The following CRTAC1 variants were observed in gnomAD, a reference collection of about 807,000 sequenced individuals.
CRTAC1 encodes cartilage acidic protein 1, also known as acidic secreted protein in cartilage.
In CRTAC1, 37 loss-of-function variants were observed where a neutral mutation model predicts 67.8. The ratio of observed to expected loss-of-function variants is 0.55; its 90% CI spans 0.42 to 0.72. The LOEUF (loss-of-function observed/expected upper bound fraction) is 0.72. Ranked by LOEUF, CRTAC1 falls within the 30% of genes least tolerant of loss-of-function variation. The pLI, the probability that CRTAC1 is intolerant of heterozygous loss-of-function variation, is 0.00. For missense variants in CRTAC1, 780 were observed against 931.6 expected (o/e 0.84, Z 2.12); for synonymous variants, 348 against 371.0 (o/e 0.94, Z 0.71).
intron 1 of CRTAC1, among the ~76,000 whole-genome samples, chr10:98,025,689 G>A (rs536289433): frequency 6.6e-6 from 1 of 152,330 alleles, no homozygotes; most frequent in South Asian, 2.1e-4. Flanking sequence ...AGGCTCTCCA[G>A]AAATCCCTAG....
rs1039099468 is a variant in CRTAC1 at position 97,996,915 on chromosome 10, A to T, written c.224+14223T>A. 5.9e-5 allele frequency among the ~76,000 whole-genome samples: 9 copies of T among 152,080 alleles called. 1 individual carries two copies. Among genetic ancestry groups the T allele is most frequent in the African/African-American group, 1.7e-4 (7 of 41,390 alleles). ...AATACTATGCAGCCAGAAAAAAATG[A>T]TGAGTTCATGTCCTTTGTAGGGACA... On this transcript the variant is annotated intron_variant, in intron 2 of 14. Transcript: ENST00000370597.
chr10:97,876,032 A>T (rs1440683039), intron 14 of CRTAC1: 1 of 152,180 alleles, frequency 6.6e-6, no homozygotes, highest in African/African-American at 2.4e-5. Context: ...GCAGACTTGA[A>T]CGTGACCGTG....
chr10:97,979,133 C>T lies in CRTAC1; in HGVS notation c.224+32005G>A, dbSNP rs78281826. 3.0e-3 allele frequency among the ~76,000 whole-genome samples: 455 copies of T among 152,244 alleles called. 4 individuals carry two copies. Among genetic ancestry groups the T allele is most frequent in the African/African-American group, 1.0e-2 (414 of 41,546 alleles). On this transcript the variant is annotated intron_variant, in intron 2 of 14. Transcript: ENST00000370597. ...AAGCTCCCTCAGAGAAGTTCTTGCT[C>T]CAGAGCACTATTTTGCACTGGCCAG...
chr10:97,966,762 G>A (rs2051622528), intron 2 of CRTAC1, among the ~76,000 whole-genome samples: 1 of 152,136 alleles, frequency 6.6e-6, no homozygotes. Context: ...CAGCTTTGAG[G>A]GGTACTGGTC....
intron 14 of CRTAC1, among the ~76,000 whole-genome samples, chr10:97,873,201 A>G (rs2050111787): frequency 6.6e-6 from 1 of 152,164 alleles, no homozygotes; most frequent in Non-Finnish European, 1.5e-5. Context: ...TTTCAAGTCC[A>G]TTTGATCCCA....
rs377488433 is a variant in CRTAC1, at chr10:97,898,431, G to C, written c.1134-1440C>G. Among the ~76,000 whole-genome samples the C allele has an allele frequency of 1.5e-3, 234 of 152,312 alleles. 2 individuals are homozygous for C. The highest frequency in any genetic ancestry group is 5.1e-3 in the African/African-American group (211 of 41,560). On this transcript the variant is annotated intron_variant, in intron 8 of 14. Coordinates refer to ENST00000370597, the MANE Select transcript of CRTAC1 (RefSeq NM_018058.7). The stretch of plus-strand genomic sequence containing the variant: ...ATGGTGAGTGAGCACATGTCGCTCA[G>C]ATGAAGAGGGATAATTGGGGGCTAG...
At chr10:98,019,991 T>C (rs876999) in intron 1 of CRTAC1, among the ~76,000 whole-genome samples, 23,664 of 152,230 alleles carry the variant, frequency 0.16, 2,317 homozygotes, top group Non-Finnish European at 0.22. Flanking sequence ...TGCTGCCTCT[T>C]CATTCTTCAC....
intron 2 of CRTAC1, among the ~76,000 whole-genome samples, chr10:97,940,971 A>G (rs926703257): frequency 2.0e-5 from 3 of 152,138 alleles, no homozygotes; most frequent in Non-Finnish European, 4.4e-5. Flanking sequence ...TCGGTAGCTC[A>G]TCCTCTGCAG....
At chr10:97,942,390 C>T (rs182275530) in intron 2 of CRTAC1, among the ~76,000 whole-genome samples, 1 of 152,310 alleles carries the variant, frequency 6.6e-6, no homozygotes, top group African/African-American at 2.4e-5. Flanking sequence ...TTGGACTCTA[C>T]ACTTTCATCA....
rs193241618 is a variant in CRTAC1 at position 97,907,868 on chromosome 10, G to A, written c.850+145C>T. Reference sequence around the variant, plus strand: ...TAAGGAATAGGAAGTGACAAGCAGCGTTTCTCTGTGTGGTGCAGACGATGA... The same window carrying A: ...TAAGGAATAGGAAGTGACAAGCAGCATTTCTCTGTGTGGTGCAGACGATGA... On this transcript the variant is annotated intron_variant, in intron 6 of 14. Coordinates refer to ENST00000370597, the MANE Select transcript of CRTAC1 (RefSeq NM_018058.7). The A allele has an allele frequency of 3.2e-3, 2,552 of 799,654 alleles. 5 individuals carry two copies. The highest frequency in any genetic ancestry group is 4.5e-3 in the Non-Finnish European group (2,356 of 520,392). 49.5% of individuals were successfully genotyped at this position (799,654 alleles called of 1,614,324 possible).
intron 3 of CRTAC1, among the ~76,000 whole-genome samples, chr10:97,930,714 G>A (rs2136606654): frequency 6.6e-6 from 1 of 152,188 alleles, no homozygotes; most frequent in Middle Eastern, 3.4e-3. Flanking sequence ...TCTGCTGTGA[G>A]GGCAGAAGAG....
intron 2 of CRTAC1, among the ~76,000 whole-genome samples, chr10:97,981,191 C>A (rs1226157640): frequency 1.3e-5 from 2 of 152,060 alleles, no homozygotes; most frequent in African/African-American, 4.8e-5. Context: ...TAATTATGAT[C>A]ATTAAAAGTC....
At chr10:97,952,956 G>T (rs1044794973) in intron 2 of CRTAC1, among the ~76,000 whole-genome samples, 13 of 152,140 alleles carry the variant, frequency 8.5e-5, no homozygotes, top group African/African-American at 3.1e-4. Flanking sequence ...CCAACATGCT[G>T]CCTCCATCCT....
At chr10:97,950,242 C>CAG (rs1160076016) in intron 2 of CRTAC1, among the ~76,000 whole-genome samples, 101 of 117,588 alleles carry the variant, frequency 8.6e-4, no homozygotes, top group African/African-American at 2.9e-3. Flanking sequence ...TGCACACACA[C>CAG]ACACAGAGAG....
chr10:98,017,870 T>C (rs1843030878), intron 1 of CRTAC1, among the ~76,000 whole-genome samples: 1 of 151,664 alleles, frequency 6.6e-6, no homozygotes, highest in Non-Finnish European at 1.5e-5. Context: ...AAGCAAACTT[T>C]TTGAACAATT....
At position 98,029,491 on chromosome 10, in the gene CRTAC1, A is replaced by AGCGGCGGCGGCG. The variant is rs71007374; in HGVS notation, c.24+946_24+957dup. On this transcript the variant is annotated intron_variant, in intron 1 of 14. Coordinates refer to ENST00000370597, the MANE Select transcript of CRTAC1 (RefSeq NM_018058.7). This position sits in a 1 kb window ranked among gnomAD's most constrained non-coding sequence, Gnocchi z 4.7. ...ACTGGGTGCACCCACCAGCAGCAGC[A>AGCGGCGGCGGCG]GCGGCGGCGGCGGCGGCGGCGGCGG... 0.047 allele frequency among the ~76,000 whole-genome samples: 6,601 copies of AGCGGCGGCGGCG among 140,292 alleles called. 248 individuals are homozygous for AGCGGCGGCGGCG. Among genetic ancestry groups the AGCGGCGGCGGCG allele is most frequent in the African/African-American group, 0.1 (3,621 of 35,300 alleles). The allele number at this position is 140,292 out of a possible 152,430, so 92.0% of individuals were successfully genotyped here.
intron 11 of CRTAC1, among the ~76,000 whole-genome samples, chr10:97,885,283 T>A (rs542534062): frequency 2.6e-5 from 4 of 152,262 alleles, no homozygotes; most frequent in South Asian, 4.1e-4. Flanking sequence ...AAGTATTGGC[T>A]GAGCCCAGGA....
At chr10:97,994,760 G>A (rs1415080370) in intron 2 of CRTAC1, among the ~76,000 whole-genome samples, 2 of 152,166 alleles carry the variant, frequency 1.3e-5, no homozygotes, top group Admixed American at 6.5e-5. Context: ...ATCCCTAGTG[G>A]CCAAAGGGCT....
rs116409041 is a variant in CRTAC1 at position 97,961,897 on chromosome 10, C to T, written c.225-25531G>A. ...AGGATAAGCACCTACTTCAGGCTAG[C>T]GTCTAATTTTAACAGTAACTGGTGA... On this transcript the variant is annotated intron_variant, in intron 2 of 14. Transcript: ENST00000370597. 1.3e-3 allele frequency among the ~76,000 whole-genome samples: 202 copies of T among 152,320 alleles called. 1 individual carries two copies. Among genetic ancestry groups the T allele is most frequent in the African/African-American group, 4.5e-3 (186 of 41,572 alleles).
Sources: allele counts gnomAD v4.1 joint callset (sites outside exome capture counted in the v4.1 genomes callset), GRCh38; gene constraint gnomAD v4.1.1; non-coding constraint Gnocchi (gnomAD v3.1); transcripts MANE v1.5; gene names NCBI Gene and HGNC (gene_info 2026-07-23, HGNC 2026-07-21).